MORN5: variants seen among roughly 807,000 people sequenced by gnomAD.
MORN5 encodes the protein MORN repeat containing 5, also known as MORN repeat-containing protein 5.
In MORN5, 21 loss-of-function variants were observed where a neutral mutation model predicts 22.1. That is an observed-to-expected ratio of 0.95 (90% confidence interval 0.67 to 1.37). MORN5 has a LOEUF of 1.37. Among genes scored for constraint, MORN5 ranks in the 40% most tolerant of loss-of-function variants. The pLI, the probability that MORN5 is intolerant of heterozygous loss-of-function variation, is 0.00. For synonymous variants in MORN5, 73 were observed against 74.0 expected, an observed-to-expected ratio of 0.99 and a Z score of 0.07; for missense variants, 211 against 215.1, an observed-to-expected ratio of 0.98 and a Z score of 0.12.
intron 4 of MORN5, among the ~76,000 whole-genome samples, chr9:122,194,959 G>A (rs1051580269): frequency 6.6e-6 from 1 of 151,808 alleles, no homozygotes; most frequent in African/African-American, 2.4e-5. Flanking sequence ...GTTGGAGGCT[G>A]CAGTGAGCTG....
Position 122,166,912 on chromosome 9 carries a change from A to G in MORN5, c.192A>G (p.Ile64Met). Residue 64 changes from isoleucine (I) to methionine (M), a missense_variant, in exon 2 of 5, where the codon ATA (isoleucine) becomes ATG (methionine). Ile to Met is a conservative substitution (Grantham distance 10). Transcript: ENST00000373764. ...CCATTTGGGAAAACGGATTGGCCAT[A>G]AAGGTGATCAGCTGGGGGGACGGAT... ...YDAIWENGLA[I>M]KGTYTFSDGL... is the part of the protein sequence containing the mutation. 1 of 1,613,092 alleles carries G rather than the reference A, an allele frequency of 6.2e-7. No individual in the cohort carries two copies. Among genetic ancestry groups the G allele is most frequent in the South Asian group, 1.1e-5 (1 of 90,840 alleles).
At chr9:122,177,856 A>G (rs1051679330) in intron 4 of MORN5, among the ~76,000 whole-genome samples, 20 of 152,316 alleles carry the variant, frequency 1.3e-4, no homozygotes, top group African/African-American at 2.9e-4. Context: ...ACAAGTTTCA[A>G]TGCATCCTTC....
chr9:122,180,277 T>A (rs1434209546), intron 4 of MORN5, among the ~76,000 whole-genome samples: 2 of 139,014 alleles, frequency 1.4e-5, no homozygotes, highest in African/African-American at 5.3e-5. Flanking sequence ...CTATGACATT[T>A]TCTTCTTTTT....
chr9:122,162,530 T>C (rs1440725400), intron 1 of MORN5, among the ~76,000 whole-genome samples: 1 of 152,208 alleles, frequency 6.6e-6, no homozygotes, highest in South Asian at 2.1e-4. Context: ...CAAGTACTCA[T>C]AGCAGCCTTA....
intron 4 of MORN5, among the ~76,000 whole-genome samples, chr9:122,185,527 A>G (rs1027567909): frequency 6.7e-5 from 9 of 134,414 alleles, no homozygotes; most frequent in Admixed American, 1.4e-4. Flanking sequence ...CAACTGGCCA[A>G]TTTTTTGTAT....
In MORN5 at chr9:122,160,017, G is replaced by C; in HGVS notation, c.45G>C (p.Gly15=). The C allele has an allele frequency of 6.2e-7, 1 of 1,613,386 alleles. No homozygotes were observed. The highest frequency in any genetic ancestry group is 1.1e-5 in the South Asian group (1 of 91,008). Residue 15 remains glycine, a splice_region_variant and synonymous_variant, in exon 1 of 5, where the codon GGG becomes GGC. Coordinates refer to ENST00000373764, the MANE Select transcript of MORN5 (RefSeq NM_198469.4). ...GSKYIGEYVD[G]RMEGKAKYIL... ...AATATATCGGGGAATATGTAGATGG[G>C]AGGTAAGGGGCTCATTTGATTCACT...
intron 4 of MORN5, among the ~76,000 whole-genome samples, chr9:122,192,550 G>T (rs771675015): frequency 2.0e-5 from 3 of 152,200 alleles, no homozygotes; most frequent in Admixed American, 2.0e-4. Flanking sequence ...GCACTGACCT[G>T]CAGGCTGCAC....
intron 4 of MORN5, among the ~76,000 whole-genome samples, chr9:122,194,242 G>T (rs985297524): frequency 6.6e-6 from 1 of 152,124 alleles, no homozygotes; most frequent in Non-Finnish European, 1.5e-5. Flanking sequence ...ACAGGATTGG[G>T]CTTGCCAATT....
rs773747881 is a variant in MORN5, at chr9:122,188,560, A to G, written c.440-11325A>G. Among the ~76,000 whole-genome samples the G allele has an allele frequency of 1.2e-4, 18 of 152,222 alleles. No homozygotes were observed. The South Asian group carries it at 1.2e-3, about 11-fold the overall frequency. On this transcript the variant is annotated intron_variant, in intron 4 of 4. Coordinates refer to ENST00000373764, the MANE Select transcript of MORN5 (RefSeq NM_198469.4). ...CATCGTCCACTTGCAGCCAGGGATT[A>G]GGGGCCAAAAGAAGCAGAGGGTCAA...
intron 1 of MORN5, among the ~76,000 whole-genome samples, chr9:122,165,585 C>CA (rs1460959386): frequency 6.6e-6 from 1 of 151,770 alleles, no homozygotes; most frequent in Non-Finnish European, 1.5e-5. Context: ...GGGAAAAAAA[C>CA]AAAAAACAAA....
chr9:122,193,308 C>T (rs755620952), intron 4 of MORN5, among the ~76,000 whole-genome samples: 41 of 152,248 alleles, frequency 2.7e-4, no homozygotes, highest in Non-Finnish European at 5.7e-4. Flanking sequence ...ATTTGTCCGC[C>T]GGGCGCCGTG....
chr9:122,193,517 G>A (rs926252442), intron 4 of MORN5, among the ~76,000 whole-genome samples: 10 of 152,230 alleles, frequency 6.6e-5, no homozygotes, highest in East Asian at 3.8e-4. Flanking sequence ...CCCGGGAGGC[G>A]GGGGTTGCAG....
chr9:122,176,361 T>A (rs557741743), intron 4 of MORN5, among the ~76,000 whole-genome samples: 27 of 152,290 alleles, frequency 1.8e-4, no homozygotes, highest in African/African-American at 5.3e-4. Flanking sequence ...CTTGGTCAAA[T>A]AAAATAAGGA....
At chr9:122,191,215 CCA>C (rs1195369319) in intron 4 of MORN5, among the ~76,000 whole-genome samples, 5 of 152,210 alleles carry the variant, frequency 3.3e-5, no homozygotes, top group Admixed American at 1.3e-4. Flanking sequence ...GTCACATGAG[CCA>C]CACACCATGT....
intron 4 of MORN5, among the ~76,000 whole-genome samples, chr9:122,181,576 G>A (rs1829539017): frequency 6.6e-6 from 1 of 152,172 alleles, no homozygotes; most frequent in South Asian, 2.1e-4. Context: ...CAAAACAAAA[G>A]AGAGACTGAG....
At chr9:122,169,571 C>G (rs1217200385) in intron 2 of MORN5, 74 bp from the exon 3 acceptor site, 2 of 952,492 alleles carry the variant, frequency 2.1e-6, no homozygotes, top group African/African-American at 3.2e-5. Context: ...GCCCCCACTT[C>G]CCTTGACATC....
rs184662304 is a variant in MORN5, at chr9:122,187,801, A to G, written c.440-12084A>G. Among the ~76,000 whole-genome samples the G allele has an allele frequency of 5.9e-5, 9 of 152,386 alleles. No homozygotes were observed. In the East Asian group the frequency reaches 1.7e-3, roughly 29 times the overall value. On this transcript the variant is annotated intron_variant, in intron 4 of 4. Transcript: ENST00000373764. Reference sequence around the variant, plus strand: ...AGAAAACTGGGAGTATCCCTATTTCAGTGGTGCCAGGAGCTACATTCACAG... The same window carrying G: ...AGAAAACTGGGAGTATCCCTATTTCGGTGGTGCCAGGAGCTACATTCACAG...
chr9:122,174,406 T>C (rs893256530), intron 3 of MORN5, 90 bp from the exon 4 acceptor site: 31 of 1,472,562 alleles, frequency 2.1e-5, no homozygotes, highest in Non-Finnish European at 2.8e-6. Flanking sequence ...GATAGTCACA[T>C]GAGCCACCAG....
At chr9:122,194,660 C>T (rs1829845429) in intron 4 of MORN5, among the ~76,000 whole-genome samples, 1 of 151,988 alleles carries the variant, frequency 6.6e-6, no homozygotes, top group African/African-American at 2.4e-5. Context: ...GTCTAGTGGT[C>T]AACAAATCAA....
Sources: gnomAD v4.1 joint callset for allele counts (sites outside exome capture counted in the v4.1 genomes callset) on GRCh38, gnomAD v4.1.1 for gene constraint, MANE v1.5 for transcripts, NCBI Gene and HGNC (gene_info 2026-07-23, HGNC 2026-07-21) for gene names.